ADAMTSL3: variants seen among roughly 807,000 people sequenced by gnomAD.
ADAMTSL3 encodes the protein ADAMTS-like protein 3.
In ADAMTSL3, 128 loss-of-function variants were observed where a neutral mutation model predicts 201.7. The observed-to-expected ratio is 0.63, with a 90% confidence interval of 0.55 to 0.73. ADAMTSL3 has a LOEUF of 0.73. Among genes scored for constraint, ADAMTSL3 ranks in the 30% least tolerant of loss-of-function variants. ADAMTSL3 has a pLI of 0.00. For synonymous variants in ADAMTSL3, 738 were observed against 748.4 expected (o/e 0.99, Z 0.23); for missense variants, 1,990 against 2,119.6 (o/e 0.94, Z 1.20).
intron 6 of ADAMTSL3, among the ~76,000 whole-genome samples, chr15:83,820,327 C>G (rs185391430): frequency 2.2e-4 from 33 of 152,262 alleles, no homozygotes; most frequent in African/African-American, 7.7e-4. Context: ...ATTCGCCTGC[C>G]TCAGCCTCTC....
intron 4 of ADAMTSL3, among the ~76,000 whole-genome samples, chr15:83,802,616 A>G (rs1300335777): frequency 6.6e-6 from 1 of 152,220 alleles, no homozygotes; most frequent in African/African-American, 2.4e-5. Flanking sequence ...ATATGCTGGG[A>G]TTCCATTTAT....
In ADAMTSL3 at chr15:83,885,215, G is replaced by A. The variant is rs773933488; in HGVS notation, c.1072+3G>A. The A allele has an allele frequency of 6.2e-7, 1 of 1,600,776 alleles. No individual in the cohort carries two copies. The highest frequency in any genetic ancestry group is 1.1e-5 in the South Asian group (1 of 90,654). Reference sequence around the variant, plus strand: ...CTGCACTGTGACGTGTGGAGGAGGTGAGGCCCAGGCTTTGTTCATGAATAT... The same window carrying A: ...CTGCACTGTGACGTGTGGAGGAGGTAAGGCCCAGGCTTTGTTCATGAATAT... On this transcript the variant is annotated splice_donor_region_variant and intron_variant, in intron 10 of 29. Transcript: ENST00000286744.
intron 7 of ADAMTSL3, among the ~76,000 whole-genome samples, chr15:83,841,111 G>A (rs993917997): frequency 6.6e-6 from 1 of 152,224 alleles, no homozygotes; most frequent in African/African-American, 2.4e-5. Flanking sequence ...ATTATGGTGT[G>A]TGACACCCTG....
chr15:83,728,493 T>TG (rs2062215567), intron 3 of ADAMTSL3, among the ~76,000 whole-genome samples: 5 of 151,972 alleles, frequency 3.3e-5, no homozygotes, highest in African/African-American at 9.7e-5. Flanking sequence ...TTGTTTTTAA[T>TG]TTTTATATAT....
intron 6 of ADAMTSL3, among the ~76,000 whole-genome samples, chr15:83,824,432 C>A (rs1026732355): frequency 6.6e-6 from 1 of 152,142 alleles, no homozygotes; most frequent in Non-Finnish European, 1.5e-5. Context: ...ATCAACATTC[C>A]CCACTAAAGT....
chr15:83,684,882 A>G (rs532589813), intron 2 of ADAMTSL3, among the ~76,000 whole-genome samples: 2 of 152,312 alleles, frequency 1.3e-5, no homozygotes, highest in African/African-American at 4.8e-5. Context: ...TGCTGGGGGA[A>G]ATGATACACC....
At chr15:83,815,330 T>A (rs1480509371) in intron 5 of ADAMTSL3, among the ~76,000 whole-genome samples, 1 of 152,236 alleles carries the variant, frequency 6.6e-6, no homozygotes, top group East Asian at 1.9e-4. Flanking sequence ...ATAACACTTG[T>A]TCAGTGTGTT....
chr15:83,866,760 A>T (rs60639966), intron 8 of ADAMTSL3, among the ~76,000 whole-genome samples: 2,510 of 151,506 alleles, frequency 0.017, 78 homozygotes, highest in African/African-American at 0.056. Context: ...AAAGTATAAT[A>T]AAAAAAAAGA....
At chr15:83,771,896 AC>A (rs2062990456) in intron 3 of ADAMTSL3, among the ~76,000 whole-genome samples, 1 of 150,720 alleles carries the variant, frequency 6.6e-6, no homozygotes, top group Admixed American at 6.6e-5. Context: ...TCGCTCTGTC[AC>A]CCAGCCTGGA....
chr15:83,742,416 AAACAAAAT>A (rs1267027856), intron 3 of ADAMTSL3, among the ~76,000 whole-genome samples: 2 of 152,170 alleles, frequency 1.3e-5, no homozygotes, highest in African/African-American at 4.8e-5. Context: ...GACAGTAGAA[AAACAAAAT>A]ATACCTAAAG....
At chr15:83,719,792 C>T (rs2062072390) in intron 3 of ADAMTSL3, among the ~76,000 whole-genome samples, 2 of 152,178 alleles carry the variant, frequency 1.3e-5, no homozygotes, top group Non-Finnish European at 2.9e-5. Context: ...AAATGAAACT[C>T]AACTTTGCTG....
At chr15:83,792,160 G>A (rs2063354729) in intron 4 of ADAMTSL3, among the ~76,000 whole-genome samples, 1 of 152,102 alleles carries the variant, frequency 6.6e-6, no homozygotes, top group Non-Finnish European at 1.5e-5. Flanking sequence ...GACAAACTCA[G>A]TAGCAAGAAA....
chr15:83,849,993 C>T (rs2064576713), intron 7 of ADAMTSL3, among the ~76,000 whole-genome samples: 1 of 151,992 alleles, frequency 6.6e-6, no homozygotes, highest in African/African-American at 2.4e-5. Context: ...ACTAATGTTA[C>T]ATTAATAGGT....
chr15:83,772,706 C>CTT lies in ADAMTSL3; in HGVS notation c.190-803_190-802dup, dbSNP rs796676516. Among the ~76,000 whole-genome samples the CTT allele has an allele frequency of 2.7e-3, 391 of 142,346 alleles. 9 individuals carry two copies. The highest frequency in any genetic ancestry group is 0.014 in the Admixed American group (194 of 14,244). The allele number at this position is 142,346 out of a possible 152,430, so 93.4% of individuals were successfully genotyped here. The stretch of plus-strand genomic sequence containing the variant: ...GTCAGAATTTCACTCATGAGCACTT[C>CTT]TTTTTTTTTTTTTTTCTGAGATAGA... On this transcript the variant is annotated intron_variant, in intron 3 of 29. Transcript: ENST00000286744.
rs148840628 is a variant in ADAMTSL3, at chr15:83,794,323, T to C, written c.318-10327T>C. ...CTCCTGGGCATTTTTCTCAGATAAA[T>C]GAAGACTTAGGTTCACAATAAAACC... On this transcript the variant is annotated intron_variant, in intron 4 of 29. Coordinates refer to ENST00000286744, the MANE Select transcript of ADAMTSL3 (RefSeq NM_207517.3). 2.5e-4 allele frequency among the ~76,000 whole-genome samples: 38 copies of C among 152,290 alleles called. No homozygotes were observed. The East Asian group carries it at 3.9e-3, about 15-fold the overall frequency.
chr15:83,784,343 A>G lies in ADAMTSL3; in HGVS notation c.317+10693A>G, dbSNP rs181471200. On this transcript the variant is annotated intron_variant, in intron 4 of 29. Coordinates refer to ENST00000286744, the MANE Select transcript of ADAMTSL3 (RefSeq NM_207517.3). ...TGGGAATTTGTGGATTCTCCTGTGG[A>G]TCTCTTCTTTACTTCAAAGGCAGAC... 3.7e-3 allele frequency among the ~76,000 whole-genome samples: 561 copies of G among 152,202 alleles called. 10 individuals are homozygous for G. The highest frequency in any genetic ancestry group is 1.9e-3 in the Non-Finnish European group (129 of 68,000).
chr15:83,939,457 A>T (rs1431539339), intron 17 of ADAMTSL3, among the ~76,000 whole-genome samples: 1 of 152,112 alleles, frequency 6.6e-6, no homozygotes. Context: ...TTTTCAGTTC[A>T]TGTAAACTTT....
At chr15:83,804,582 T>TC in intron 4 of ADAMTSL3, 68 bp from the exon 5 acceptor site, 1 of 1,073,586 alleles carries the variant, frequency 9.3e-7, no homozygotes, top group Non-Finnish European at 1.3e-6. Flanking sequence ...GCTTTTTTTT[T>TC]TTTTTTTTAA....
intron 6 of ADAMTSL3, among the ~76,000 whole-genome samples, chr15:83,829,497 T>G (rs1293548692): frequency 6.6e-6 from 1 of 152,230 alleles, no homozygotes; most frequent in Non-Finnish European, 1.5e-5. Flanking sequence ...TCTTTGATTT[T>G]TTGAAGGTTT....
Sources: allele counts gnomAD v4.1 joint callset (sites outside exome capture counted in the v4.1 genomes callset), GRCh38; gene constraint gnomAD v4.1.1; transcripts MANE v1.5; gene names NCBI Gene and HGNC (gene_info 2026-07-23, HGNC 2026-07-21).